NCOR1: variants seen among roughly 807,000 people sequenced by gnomAD.
NCOR1 encodes protein phosphatase 1, regulatory subunit 109.
Under a neutral mutation model 288.1 loss-of-function variants are expected in NCOR1, and 63 were observed. The ratio of observed to expected loss-of-function variants is 0.22; its 90% CI spans 0.18 to 0.27. NCOR1 has a LOEUF of 0.27. Ranked by LOEUF, NCOR1 falls within the 10% of genes least tolerant of loss-of-function variation. The probability of loss-of-function intolerance (pLI) is 1.00; values close to 1 mark genes in which losing one functional copy is unlikely to be tolerated. For synonymous variants in NCOR1, 1,007 were observed against 1,065.9 expected, an observed-to-expected ratio of 0.94 and a Z score of 1.08; for missense variants, 2,397 against 3,019.2, an observed-to-expected ratio of 0.79 and a Z score of 4.83.
intron 14 of NCOR1, among the ~76,000 whole-genome samples, chr17:16,126,614 A>AATGCT (rs1302934491): frequency 6.6e-6 from 1 of 152,154 alleles, no homozygotes; most frequent in Non-Finnish European, 1.5e-5. Context: ...CACTATCTAT[A>AATGCT]ATGCTATAAG....
At position 16,039,657 on chromosome 17, in the gene NCOR1, G is replaced by C. The variant is rs761258580; in HGVS notation, c.6734-3C>G. ...ATGGCCTCTAGAGCTAACTGAGCCT[G>C]AAAGAGAATCAAAAACATTTCCACT... is the stretch of plus-strand genomic sequence containing the variant. On this transcript the variant is annotated splice_region_variant and splice_polypyrimidine_tract_variant and intron_variant, in intron 43 of 45. Coordinates refer to ENST00000268712, the MANE Select transcript of NCOR1 (RefSeq NM_006311.4). 3.1e-6 allele frequency: 5 copies of C among 1,611,266 alleles called. No homozygotes were observed. Among genetic ancestry groups the C allele is most frequent in the Middle Eastern group, 1.7e-4 (1 of 6,056 alleles).
At chr17:16,044,650 C>T (rs1032150505) in intron 42 of NCOR1, 1 of 647,160 alleles carries the variant, frequency 1.5e-6, no homozygotes, top group Admixed American at 1.8e-5. Flanking sequence ...TCGCCTGCAT[C>T]TACTCAGCCC....
intron 27 of NCOR1, among the ~76,000 whole-genome samples, chr17:16,075,295 T>G (rs2062300491): frequency 6.6e-6 from 1 of 152,324 alleles, no homozygotes; most frequent in Admixed American, 6.5e-5. Context: ...GTCGACAATC[T>G]TAGCTACCAC....
At chr17:16,143,171 T>C (rs553490895) in intron 11 of NCOR1, among the ~76,000 whole-genome samples, 2 of 152,304 alleles carry the variant, frequency 1.3e-5, no homozygotes, top group South Asian at 4.2e-4. Context: ...GTAAAATACA[T>C]GCTCCTTTGC....
At chr17:16,147,435 C>T (rs567225392) in intron 9 of NCOR1, among the ~76,000 whole-genome samples, 19 of 151,980 alleles carry the variant, frequency 1.3e-4, no homozygotes, top group East Asian at 7.7e-4. Context: ...CAGTGAACTA[C>T]GTGAAATTGA....
At chr17:16,186,405 G>GCAAC (rs764047172) in intron 3 of NCOR1, 149 bp downstream of exon 3, 12 of 795,992 alleles carry the variant, frequency 1.5e-5, no homozygotes, top group Non-Finnish European at 2.1e-5. Flanking sequence ...GTTAACTATT[G>GCAAC]CAACCAACCA....
chr17:16,141,643 G>A (rs1040889958), intron 11 of NCOR1, among the ~76,000 whole-genome samples: 2 of 152,084 alleles, frequency 1.3e-5, no homozygotes, highest in Non-Finnish European at 2.9e-5. Flanking sequence ...TCTGTACAAA[G>A]AGGCTATTTT....
Position 16,029,829 on chromosome 17 carries a change from T to A in NCOR1, c.*2467A>T, listed in dbSNP as rs1971781235. The A allele has an allele frequency of 6.5e-6, 1 of 152,692 alleles. No individual in the cohort carries two copies. Among genetic ancestry groups the A allele is most frequent in the Non-Finnish European group, 1.5e-5 (1 of 68,382 alleles). The allele number at this position is 152,692 out of a possible 1,614,324, so 9.5% of individuals were successfully genotyped here. A position where few individuals can be genotyped will look rare whatever the true frequency, so the allele number is the denominator to read the frequency against. The stretch of plus-strand genomic sequence containing the variant: ...CTTCTCCAGGTGATGGTAAATAAAG[T>A]AATACGCACATGCATTATGATGAGG... On this transcript the variant is annotated 3_prime_UTR_variant, in exon 46 of 46. Coordinates refer to ENST00000268712, the MANE Select transcript of NCOR1 (RefSeq NM_006311.4).
chr17:16,075,522 T>G lies in NCOR1; in HGVS notation c.3670+12A>C. On this transcript the variant is annotated intron_variant, in intron 27 of 45. Transcript: ENST00000268712. ...TGTAATACTGGCTTTGGTGCATACA[T>G]ACAATACTTACTATCATATGACAAG... is the stretch of plus-strand genomic sequence containing the variant. 4 of 1,613,838 alleles carry G rather than the reference T, an allele frequency of 2.5e-6. No individual in the cohort carries two copies. Among genetic ancestry groups the G allele is most frequent in the Non-Finnish European group, 3.4e-6 (4 of 1,179,830 alleles).
In NCOR1 at chr17:16,065,538, C is replaced by T. The variant is rs1273724124; in HGVS notation, c.4898G>A (p.Arg1633Lys). 1 of 1,614,186 alleles carries T rather than the reference C, an allele frequency of 6.2e-7. No individual in the cohort carries two copies. The highest frequency in any genetic ancestry group is 1.1e-5 in the South Asian group (1 of 91,078). The change falls in exon 33 of 46, where the codon AGA (arginine) becomes AAA (lysine). Residue 1633 changes from arginine to lysine, a missense_variant. Arg to Lys is a conservative substitution (Grantham distance 26). Around this residue, in one of 11 missense-constraint regions of NCOR1, gnomAD observed 1,872 missense variants for 2,187.8 expected, o/e 0.86. Transcript: ENST00000268712. ...MQVNLRPDVA[R>K]GLSPREQPLG... ...TGGCTGCTCTCTTGGGGAGAGTCCT[C>T]TGGCCACATCTGGACGCAAGTTCAC...
At chr17:16,087,514 A>C (rs1382248059) in intron 22 of NCOR1, among the ~76,000 whole-genome samples, 39 of 152,238 alleles carry the variant, frequency 2.6e-4, no homozygotes, top group Non-Finnish European at 1.5e-5. Flanking sequence ...CTGTAAATCT[A>C]AATCTCCTGT....
chr17:16,083,467 T>C (rs1427458730), intron 23 of NCOR1, among the ~76,000 whole-genome samples: 2 of 151,978 alleles, frequency 1.3e-5, no homozygotes, highest in Admixed American at 6.6e-5. Flanking sequence ...CTGAGAGATA[T>C]AGATATACAA....
At chr17:16,063,787 C>T (rs1941061454) in intron 35 of NCOR1, among the ~76,000 whole-genome samples, 1 of 152,170 alleles carries the variant, frequency 6.6e-6, no homozygotes, top group African/African-American at 2.4e-5. Context: ...TTCTTTCAGC[C>T]TTGAAAGCTC....
chr17:16,101,562 G>T lies in NCOR1; in HGVS notation c.2378C>A (p.Ala793Glu). The T allele has an allele frequency of 6.2e-7, 1 of 1,614,170 alleles. No individual in the cohort carries two copies. Among genetic ancestry groups the T allele is most frequent in the Non-Finnish European group, 8.5e-7 (1 of 1,180,042 alleles). Reference protein sequence around the residue: ...QVNDSISAETAEQMDVDQQEH... With the variant: ...QVNDSISAETEEQMDVDQQEH... Reference sequence around the variant, plus strand: ...CTGCTGATCTACATCCATCTGCTCTGCTGTCTCAGCACTGATGCTGTCATT... The same window carrying T: ...CTGCTGATCTACATCCATCTGCTCTTCTGTCTCAGCACTGATGCTGTCATT... The change falls in exon 20 of 46, where the codon GCA becomes GAA. Residue 793 changes from alanine to glutamate, a missense_variant. By Grantham distance (107) the Ala-to-Glu change is moderately radical. Transcript: ENST00000268712.
chr17:16,043,907 C>T (rs1439783095), intron 42 of NCOR1, among the ~76,000 whole-genome samples: 3 of 152,128 alleles, frequency 2.0e-5, no homozygotes, highest in African/African-American at 4.8e-5. Flanking sequence ...CAGTGGTTCA[C>T]GCCTGTAATC....
chr17:16,117,626 C>A (rs946645479), intron 18 of NCOR1, among the ~76,000 whole-genome samples: 3 of 151,730 alleles, frequency 2.0e-5, no homozygotes, highest in Admixed American at 6.6e-5. Context: ...AGTTCGAGAC[C>A]AGCCTGGCCA....
At chr17:16,046,015 G>T (rs192297897) in intron 42 of NCOR1, among the ~76,000 whole-genome samples, 1 of 152,056 alleles carries the variant, frequency 6.6e-6, no homozygotes, top group Admixed American at 6.5e-5. Flanking sequence ...GTCTCCCTGT[G>T]TTGTCCAGGC....
At chr17:16,122,862 C>T (rs560078394) in intron 15 of NCOR1, among the ~76,000 whole-genome samples, 1 of 152,244 alleles carries the variant, frequency 6.6e-6, no homozygotes, top group South Asian at 2.1e-4. Context: ...GTCATGAATT[C>T]CTGTGCTAAA....
At position 16,108,793 on chromosome 17, in the gene NCOR1, G is replaced by T; in HGVS notation, c.2175C>A (p.Asp725Glu). Residue 725 changes from aspartate (D) to glutamate (E), a missense_variant, in exon 19 of 46, where the codon GAC (aspartate) becomes GAA (glutamate). This residue lies in a region of NCOR1 where 1,872 missense variants were observed against 2,187.8 expected (regional missense o/e 0.86). Coordinates refer to ENST00000268712, the MANE Select transcript of NCOR1 (RefSeq NM_006311.4). ...EASNEEENPEDSEVEAVKPSE... is the reference protein window; with the variant it reads ...EASNEEENPEESEVEAVKPSE... ...TTTAAAATTTTGAGATACCTTCGCT[G>T]TCTTCTGGATTTTCTTCTTCATTGG... The T allele has an allele frequency of 6.3e-7, 1 of 1,592,396 alleles. No homozygotes were observed. Among genetic ancestry groups the T allele is most frequent in the Non-Finnish European group, 8.5e-7 (1 of 1,171,286 alleles).
Sources: allele counts gnomAD v4.1 joint callset (sites outside exome capture counted in the v4.1 genomes callset), GRCh38; gene constraint gnomAD v4.1.1; regional missense constraint gnomAD v4.1.1; transcripts MANE v1.5; gene names NCBI Gene and HGNC (gene_info 2026-07-23, HGNC 2026-07-21).